Variants in CTNND2 observed in about 807,000 individuals in gnomAD.
The protein encoded by CTNND2 is catenin delta 2, also known as catenin delta-2.
Under a neutral mutation model 144.4 loss-of-function variants are expected in CTNND2, and 22 were observed. The observed-to-expected ratio is 0.15, with a 90% CI of 0.11 to 0.22. The LOEUF (loss-of-function observed/expected upper bound fraction) is 0.22, where lower values mean the gene tolerates loss of function less well. CTNND2 is among the 10% of genes least tolerant of loss of function. The probability of loss-of-function intolerance (pLI) is 1.00; values close to 1 mark genes in which losing one functional copy is unlikely to be tolerated. For synonymous variants in CTNND2, 751 were observed against 695.6 expected, an observed-to-expected ratio of 1.08 and a Z score of -1.25; for missense variants, 1,353 against 1,618.8, an observed-to-expected ratio of 0.84 and a Z score of 2.82.
At chr5:11,723,436 T>C (rs1786802516) in intron 2 of CTNND2, among the ~76,000 whole-genome samples, 1 of 152,162 alleles carries the variant, frequency 6.6e-6, no homozygotes, top group African/African-American at 2.4e-5. Context: ...TGAAGCGATA[T>C]GCAGGCAGCC....
chr5:11,361,319 C>A (rs1208113025), intron 8 of CTNND2, among the ~76,000 whole-genome samples: 4 of 152,132 alleles, frequency 2.6e-5, no homozygotes, highest in Admixed American at 2.0e-4. Flanking sequence ...CTGCTCCAGG[C>A]CTATTTATTT....
intron 10 of CTNND2, among the ~76,000 whole-genome samples, chr5:11,203,012 T>G (rs1360387072): frequency 6.6e-6 from 1 of 152,006 alleles, no homozygotes; most frequent in Non-Finnish European, 1.5e-5. Context: ...ATCATACTGG[T>G]CAGGCTGGTC....
At chr5:11,447,628 C>CTTAA (rs748447453) in intron 3 of CTNND2, among the ~76,000 whole-genome samples, 2 of 152,134 alleles carry the variant, frequency 1.3e-5, no homozygotes, top group East Asian at 1.9e-4. Context: ...GTTGCTGAAA[C>CTTAA]TTAAGAGAGT....
chr5:11,480,919 C>G (rs1481671720), intron 3 of CTNND2, among the ~76,000 whole-genome samples: 1 of 152,018 alleles, frequency 6.6e-6, no homozygotes, highest in Non-Finnish European at 1.5e-5. Flanking sequence ...GAGTGCCCTG[C>G]CAAGCCCTGC....
intron 2 of CTNND2, among the ~76,000 whole-genome samples, chr5:11,649,184 A>T (rs951352573): frequency 3.3e-5 from 5 of 152,164 alleles, no homozygotes; most frequent in Non-Finnish European, 7.4e-5. Flanking sequence ...ATGCTTTATT[A>T]TTACATTTGC....
chr5:11,278,827 C>A (rs1221105138), intron 9 of CTNND2, among the ~76,000 whole-genome samples: 1 of 152,170 alleles, frequency 6.6e-6, no homozygotes, highest in African/African-American at 2.4e-5. Flanking sequence ...TTCTGGGACC[C>A]ACCTCTCCTG....
intron 15 of CTNND2, among the ~76,000 whole-genome samples, chr5:11,091,269 A>C (rs1439592918): frequency 6.6e-6 from 1 of 152,110 alleles, no homozygotes; most frequent in African/African-American, 2.4e-5. Flanking sequence ...GCAATGTCTA[A>C]ACTGCTGTTA....
intron 1 of CTNND2, among the ~76,000 whole-genome samples, chr5:11,851,085 CCT>C (rs1422704888): frequency 6.6e-6 from 1 of 152,100 alleles, no homozygotes; most frequent in Non-Finnish European, 1.5e-5. Flanking sequence ...ACATAAATAC[CCT>C]GTTTGCGTTC....
intron 21 of CTNND2, among the ~76,000 whole-genome samples, chr5:10,978,535 A>G (rs1736797672): frequency 6.6e-6 from 1 of 152,216 alleles, no homozygotes; most frequent in South Asian, 2.1e-4. Context: ...GACGTTTAAA[A>G]ATGGATGTTA....
intron 1 of CTNND2, among the ~76,000 whole-genome samples, chr5:11,760,768 AAAAAT>A (rs1789213384): frequency 6.9e-6 from 1 of 144,824 alleles, no homozygotes; most frequent in African/African-American, 2.6e-5. Flanking sequence ...CAATTAAGTT[AAAAAT>A]AAAACGAATA....
At chr5:11,506,509 T>C (rs2150017577) in intron 3 of CTNND2, among the ~76,000 whole-genome samples, 1 of 152,292 alleles carries the variant, frequency 6.6e-6, no homozygotes, top group East Asian at 1.9e-4. Flanking sequence ...TGTGTACAAT[T>C]ATACTACATT....
At chr5:10,984,425 A>AT (rs1266912377) in intron 20 of CTNND2, among the ~76,000 whole-genome samples, 11 of 152,210 alleles carry the variant, frequency 7.2e-5, no homozygotes, top group African/African-American at 1.2e-4. Flanking sequence ...AAATGCATAT[A>AT]TTTTTTAGAA....
At chr5:11,700,575 G>A (rs1785384920) in intron 2 of CTNND2, among the ~76,000 whole-genome samples, 1 of 152,148 alleles carries the variant, frequency 6.6e-6, no homozygotes. Flanking sequence ...ATGCACATTT[G>A]TGAGCTCTTT....
chr5:11,692,295 AG>A lies in CTNND2; in HGVS notation c.174+39840del, dbSNP rs200096395. Reference sequence around the variant, plus strand: ...TTTCAAACAAAAAAAAATTTTAAAAAGTAAAAGAATATGATTCCCAACTCAT... The same window carrying A: ...TTTCAAACAAAAAAAAATTTTAAAAATAAAAGAATATGATTCCCAACTCAT... On this transcript the variant is annotated intron_variant, in intron 2 of 21. Coordinates refer to ENST00000304623, the MANE Select transcript of CTNND2 (RefSeq NM_001332.4). Among the ~76,000 whole-genome samples, 40 of 151,572 alleles carry A rather than the reference AG, an allele frequency of 2.6e-4. 1 individual carries two copies. Among genetic ancestry groups the A allele is most frequent in the African/African-American group, 9.1e-4 (37 of 40,862 alleles).
intron 3 of CTNND2, among the ~76,000 whole-genome samples, chr5:11,508,862 G>C (rs1393786358): frequency 3.3e-5 from 5 of 151,328 alleles, no homozygotes; most frequent in Non-Finnish European, 5.9e-5. Context: ...GGTGAGCTGA[G>C]ATCGCACCAC....
At chr5:11,274,580 T>A (rs959307460) in intron 9 of CTNND2, among the ~76,000 whole-genome samples, 85 of 100,342 alleles carry the variant, frequency 8.5e-4, no homozygotes, top group South Asian at 3.1e-3. Flanking sequence ...TTTGCTTTCG[T>A]TTTTTTTTTT....
chr5:11,684,214 G>A (rs1581716959), intron 2 of CTNND2, among the ~76,000 whole-genome samples: 1 of 151,568 alleles, frequency 6.6e-6, no homozygotes, highest in South Asian at 2.1e-4. Flanking sequence ...CCATTCTCCT[G>A]CCTCAGCCTC....
At chr5:11,827,292 C>T (rs549292622) in intron 1 of CTNND2, among the ~76,000 whole-genome samples, 1 of 152,166 alleles carries the variant, frequency 6.6e-6, no homozygotes, top group Non-Finnish European at 1.5e-5. Flanking sequence ...AAAAACACAA[C>T]ATAGCATATG....
At chr5:11,784,622 T>C (rs1165808908) in intron 1 of CTNND2, among the ~76,000 whole-genome samples, 1 of 152,194 alleles carries the variant, frequency 6.6e-6, no homozygotes, top group Non-Finnish European at 1.5e-5. Context: ...CAAAAGGAAA[T>C]TTATCCTGGT....
Sources: gnomAD v4.1 joint callset for allele counts (sites outside exome capture counted in the v4.1 genomes callset) on GRCh38, gnomAD v4.1.1 for gene constraint, MANE v1.5 for transcripts, NCBI Gene and HGNC (gene_info 2026-07-23, HGNC 2026-07-21) for gene names.